Variants in NRBF2 observed in about 807,000 individuals in gnomAD.
NRBF2 encodes the protein nuclear receptor-binding factor 2.
Under a neutral mutation model 28.5 loss-of-function variants are expected in NRBF2, and 12 were observed. That is an observed-to-expected ratio of 0.42 (90% CI 0.27 to 0.68). The LOEUF (loss-of-function observed/expected upper bound fraction) is 0.68. Ranked by LOEUF, NRBF2 falls within the 30% of genes least tolerant of loss-of-function variation. The pLI, the probability that NRBF2 is intolerant of heterozygous loss-of-function variation, is 0.24. For missense variants in NRBF2, 274 were observed against 333.5 expected (o/e 0.82, Z 1.39); for synonymous variants, 102 against 116.5 (o/e 0.88, Z 0.80).
chr10:63,152,154 T>C lies in NRBF2; in HGVS notation c.120T>C (p.Tyr40=). 1.9e-6 allele frequency: 3 copies of C among 1,613,022 alleles called. No homozygotes were observed. The highest frequency in any genetic ancestry group is 2.5e-6 in the Non-Finnish European group (3 of 1,179,092). Reference sequence around the variant, plus strand: ...GCCTATTTTTTCTCTTAACAGCATATCTTTCTGAAGCCATGAAGCTGACAC... The same window carrying C: ...GCCTATTTTTTCTCTTAACAGCATACCTTTCTGAAGCCATGAAGCTGACAC... ...AISCHKKAAA[Y]LSEAMKLTQS... is the part of the protein sequence containing the mutation. Residue 40 remains tyrosine (Y), a synonymous_variant, in exon 3 of 4, where the codon TAT becomes TAC. Coordinates refer to ENST00000277746, the MANE Select transcript of NRBF2 (RefSeq NM_030759.5).
intron 2 of NRBF2, among the ~76,000 whole-genome samples, chr10:63,148,370 T>C (rs1288317992): frequency 6.6e-6 from 1 of 152,190 alleles, no homozygotes; most frequent in Admixed American, 6.6e-5. Context: ...AAAGTTGACG[T>C]GGTTGAAATG....
chr10:63,148,195 A>T (rs548204414), intron 2 of NRBF2, among the ~76,000 whole-genome samples: 1 of 152,338 alleles, frequency 6.6e-6, no homozygotes, highest in South Asian at 2.1e-4. Context: ...CTTGTCTTTG[A>T]AGACTTAAAA....
intron 2 of NRBF2, among the ~76,000 whole-genome samples, chr10:63,147,545 C>T (rs1841581242): frequency 6.6e-6 from 1 of 151,816 alleles, no homozygotes; most frequent in Non-Finnish European, 1.5e-5. Flanking sequence ...AACTCCTGAC[C>T]CCATGATTGA....
At chr10:63,147,611 CTTTTTTTTTT>C (rs56136949) in intron 2 of NRBF2, among the ~76,000 whole-genome samples, 1 of 134,146 alleles carries the variant, frequency 7.5e-6, no homozygotes, top group African/African-American at 2.8e-5. Flanking sequence ...TGCTCTCAGC[CTTTTTTTTTT>C]TTTTTTTTAA....
At chr10:63,147,665 G>T (rs1038589763) in intron 2 of NRBF2, among the ~76,000 whole-genome samples, 27 of 131,304 alleles carry the variant, frequency 2.1e-4, no homozygotes, top group African/African-American at 5.8e-5. Context: ...GTGCATGTTT[G>T]TTACATAGGT....
intron 1 of NRBF2, among the ~76,000 whole-genome samples, chr10:63,138,583 A>G (rs376504709): frequency 4.3e-4 from 65 of 151,570 alleles, no homozygotes; most frequent in African/African-American, 1.5e-3. Context: ...TCTCTACTAA[A>G]AATACAAAAA....
At chr10:63,141,552 C>T (rs1033133065) in intron 1 of NRBF2, among the ~76,000 whole-genome samples, 4 of 152,194 alleles carry the variant, frequency 2.6e-5, no homozygotes, top group Non-Finnish European at 5.9e-5. Context: ...TAGTACTTAA[C>T]GAGGGCTATA....
At chr10:63,143,384 CT>C (rs1170181631) in intron 1 of NRBF2, among the ~76,000 whole-genome samples, 1 of 152,078 alleles carries the variant, frequency 6.6e-6, no homozygotes, top group African/African-American at 2.4e-5. Context: ...CTGTGAAGTA[CT>C]TTTATGCAGC....
At chr10:63,145,013 CCAT>C (rs1564530397) in intron 1 of NRBF2, among the ~76,000 whole-genome samples, 1 of 152,012 alleles carries the variant, frequency 6.6e-6, no homozygotes, top group Non-Finnish European at 1.5e-5. Flanking sequence ...CACGACCTCC[CCAT>C]CAGTCTTTTG....
intron 1 of NRBF2, among the ~76,000 whole-genome samples, chr10:63,141,335 C>T (rs542512257): frequency 1.3e-5 from 2 of 152,222 alleles, no homozygotes; most frequent in African/African-American, 2.4e-5. Context: ...ACTCAGGAGG[C>T]TGAGGTGGCA....
rs141743950 is a variant in NRBF2, at chr10:63,142,302, G to GTTTTTTTTT, written c.31-3899_31-3898insTTTTTTTTT. 4.7e-4 allele frequency among the ~76,000 whole-genome samples: 63 copies of GTTTTTTTTT among 133,224 alleles called. 3 individuals are homozygous for GTTTTTTTTT. Among genetic ancestry groups the GTTTTTTTTT allele is most frequent in the Middle Eastern group, 3.8e-3 (1 of 262 alleles). The allele number at this position is 133,224 out of a possible 152,430, so 87.4% of individuals were successfully genotyped here. ...CTGAATCAGAACCTTTGTTTTTTTT[G>GTTTTTTTTT]TTTTTTTTGTTTTTTTTTGAGATGG... is the stretch of plus-strand genomic sequence containing the variant. On this transcript the variant is annotated intron_variant, in intron 1 of 3. Coordinates refer to ENST00000277746, the MANE Select transcript of NRBF2 (RefSeq NM_030759.5).
At chr10:63,146,103 T>G in intron 1 of NRBF2, 106 bp from the exon 2 acceptor site, 1 of 824,946 alleles carries the variant, frequency 1.2e-6, no homozygotes, top group Non-Finnish European at 2.0e-6. Flanking sequence ...ATTTGATATG[T>G]GGCAACAAAA....
chr10:63,144,131 T>G (rs960634419), intron 1 of NRBF2, among the ~76,000 whole-genome samples: 1 of 152,166 alleles, frequency 6.6e-6, no homozygotes, highest in African/African-American at 2.4e-5. Flanking sequence ...GTGTACAGTT[T>G]AGTAGTGTTA....
At chr10:63,146,126 T>C in intron 1 of NRBF2, 83 bp from the exon 2 acceptor site, 1 of 1,015,470 alleles carries the variant, frequency 9.8e-7, no homozygotes, top group Non-Finnish European at 1.5e-6. Context: ...GTATTATTTA[T>C]CTTCTTAAAA....
intron 1 of NRBF2, among the ~76,000 whole-genome samples, chr10:63,138,398 C>T (rs1056261880): frequency 6.6e-6 from 1 of 151,738 alleles, no homozygotes; most frequent in African/African-American, 2.4e-5. Context: ...ACAGGAGAAT[C>T]GCTTGAACCT....
intron 2 of NRBF2, among the ~76,000 whole-genome samples, chr10:63,149,650 T>C (rs1300442970): frequency 6.6e-6 from 1 of 152,218 alleles, no homozygotes; most frequent in Admixed American, 6.5e-5. Flanking sequence ...AAGATTTAAA[T>C]GTGGGGAATA....
rs192691248 is a variant in NRBF2 at position 63,151,416 on chromosome 10, A to G, written c.116-734A>G. The stretch of plus-strand genomic sequence containing the variant: ...TGTAATTAAAGATACATAGATAAGG[A>G]CATCCATAGAGAAAATGAGAAAGGA... On this transcript the variant is annotated intron_variant, in intron 2 of 3. Transcript: ENST00000277746. 2.0e-5 allele frequency among the ~76,000 whole-genome samples: 3 copies of G among 152,334 alleles called. 1 individual carries two copies. In the East Asian group the frequency reaches 5.8e-4, roughly 29 times the overall value.
chr10:63,140,709 T>C (rs1308526888), intron 1 of NRBF2, among the ~76,000 whole-genome samples: 1 of 151,698 alleles, frequency 6.6e-6, no homozygotes, highest in Non-Finnish European at 1.5e-5. Flanking sequence ...CTATTACTTT[T>C]TTTTTTTTTG....
At chr10:63,141,794 C>CT (rs1383153290) in intron 1 of NRBF2, among the ~76,000 whole-genome samples, 2 of 152,178 alleles carry the variant, frequency 1.3e-5, no homozygotes, top group Admixed American at 1.3e-4. Context: ...AACGAGTTTG[C>CT]TGTGTGTCTG....
Sources: allele counts gnomAD v4.1 joint callset (sites outside exome capture counted in the v4.1 genomes callset), GRCh38; gene constraint gnomAD v4.1.1; transcripts MANE v1.5; gene names NCBI Gene and HGNC (gene_info 2026-07-23, HGNC 2026-07-21).